Variants in SEPTIN9 observed in about 807,000 individuals in gnomAD.
The protein encoded by SEPTIN9 is septin 9.
In SEPTIN9, 13 loss-of-function variants were observed where a neutral mutation model predicts 56.6. That is an observed-to-expected ratio of 0.23 (90% CI 0.15 to 0.37). SEPTIN9 has a LOEUF of 0.37. Among genes scored for constraint, SEPTIN9 ranks in the 10% least tolerant of loss-of-function variants. SEPTIN9 has a pLI of 1.00. For synonymous variants in SEPTIN9, 332 were observed against 334.1 expected (o/e 0.99, Z 0.07); for missense variants, 650 against 823.1 (o/e 0.79, Z 2.57).
chr17:77,382,583 G>A (rs970447227), intron 2 of SEPTIN9, among the ~76,000 whole-genome samples: 10 of 152,234 alleles, frequency 6.6e-5, no homozygotes, highest in Non-Finnish European at 1.2e-4. Flanking sequence ...GGACCAGGGT[G>A]GTGAAATAAC....
chr17:77,335,672 T>C (rs2033524170), intron 2 of SEPTIN9, among the ~76,000 whole-genome samples: 1 of 129,162 alleles, frequency 7.7e-6, no homozygotes, highest in Non-Finnish European at 1.6e-5. Context: ...GTAGGCCCTA[T>C]GTTGACTGTA....
At chr17:77,300,621 C>T (rs1405533049) in intron 1 of SEPTIN9, among the ~76,000 whole-genome samples, 2 of 152,128 alleles carry the variant, frequency 1.3e-5, no homozygotes, top group Non-Finnish European at 2.9e-5. Context: ...TTGATCCAGC[C>T]CTTCACAGCT....
chr17:77,361,697 A>G (rs2034422613), intron 2 of SEPTIN9, among the ~76,000 whole-genome samples: 1 of 150,558 alleles, frequency 6.6e-6, no homozygotes, highest in African/African-American at 2.5e-5. Flanking sequence ...CAGTGGCGCT[A>G]TCTCGGCTCA....
In SEPTIN9 at chr17:77,435,703, G is replaced by A. The variant is rs1385883047; in HGVS notation, c.721+33000G>A. On this transcript the variant is annotated intron_variant, in intron 3 of 11. Coordinates refer to ENST00000427177, the MANE Select transcript of SEPTIN9 (RefSeq NM_001113491.2). The surrounding 1 kb of genome is among the most constrained non-coding windows in gnomAD (Gnocchi z 4.5). ...GGCGTTTCTGGTAATCCGTAGTGCT[G>A]TTGTCTGTGGCTGCCTTTGGCTGGC... 6.6e-6 allele frequency among the ~76,000 whole-genome samples: 1 copy of A among 152,260 alleles called. No individual in the cohort carries two copies. Among genetic ancestry groups the A allele is most frequent in the Admixed American group, 6.5e-5 (1 of 15,288 alleles).
At chr17:77,350,770 A>T (rs2034034728) in intron 2 of SEPTIN9, among the ~76,000 whole-genome samples, 1 of 152,234 alleles carries the variant, frequency 6.6e-6, no homozygotes, top group African/African-American at 2.4e-5. Context: ...GGGTGGGAAC[A>T]GGAGGTGGGT....
chr17:77,484,830 CGATGGTGGTTGTGATGGTGGT>C (rs1485393145), intron 4 of SEPTIN9, among the ~76,000 whole-genome samples: 3 of 10,288 alleles, frequency 2.9e-4, no homozygotes, highest in African/African-American at 9.5e-4. Flanking sequence ...ATGGTGGTGG[CGATGGTGGTTGTGATGGTGGT>C]GATGTGGGTG....
At chr17:77,392,251 GC>G (rs771741875) in intron 2 of SEPTIN9, among the ~76,000 whole-genome samples, 8 of 152,126 alleles carry the variant, frequency 5.3e-5, no homozygotes, top group Non-Finnish European at 8.8e-5. Context: ...GACTTCTTGG[GC>G]CCAGGGTTGC....
chr17:77,454,372 C>T, intron 3 of SEPTIN9: 2 of 985,538 alleles, frequency 2.0e-6, no homozygotes, highest in Non-Finnish European at 2.4e-6. Context: ...AGGTAGGGAC[C>T]TGTTCCCGGA....
intron 3 of SEPTIN9, among the ~76,000 whole-genome samples, chr17:77,418,395 T>G (rs2036577452): frequency 6.6e-6 from 1 of 151,958 alleles, no homozygotes; most frequent in Non-Finnish European, 1.5e-5. Flanking sequence ...CAGGCTGGAG[T>G]GCAGTGGTGC....
At position 77,436,763 on chromosome 17, in the gene SEPTIN9, C is replaced by T. The variant is rs1043939225; in HGVS notation, c.721+34060C>T. Among the ~76,000 whole-genome samples the T allele has an allele frequency of 1.3e-5, 2 of 152,228 alleles. No homozygotes were observed. Among genetic ancestry groups the T allele is most frequent in the African/African-American group, 4.8e-5 (2 of 41,456 alleles). ...CCCATCCTGGGAGTGACTGAAAGTC[C>T]TTGGGGGTTCCTGCAGGGTGAGCTG... On this transcript the variant is annotated intron_variant, in intron 3 of 11. Coordinates refer to ENST00000427177, the MANE Select transcript of SEPTIN9 (RefSeq NM_001113491.2). The surrounding 1 kb of genome is among the most constrained non-coding windows in gnomAD (Gnocchi z 4.4).
intron 2 of SEPTIN9, chr17:77,373,132 G>C (rs1236503792): frequency 2.1e-6 from 2 of 964,788 alleles, no homozygotes; most frequent in Admixed American, 5.8e-5. Context: ...CGGGGAGGAG[G>C]GGGGCGCTCC....
intron 2 of SEPTIN9, among the ~76,000 whole-genome samples, chr17:77,357,624 T>C (rs1261075639): frequency 1.3e-5 from 2 of 152,112 alleles, no homozygotes; most frequent in Non-Finnish European, 2.9e-5. Flanking sequence ...TCCTTTCCTT[T>C]CCTTTTCTGA....
rs991297909 is a variant in SEPTIN9, at chr17:77,425,741, G to T, written c.721+23038G>T. 6.6e-6 allele frequency among the ~76,000 whole-genome samples: 1 copy of T among 150,966 alleles called. No individual in the cohort carries two copies. The highest frequency in any genetic ancestry group is 1.5e-5 in the Non-Finnish European group (1 of 67,774). On this transcript the variant is annotated intron_variant, in intron 3 of 11. Transcript: ENST00000427177. This position sits in a 1 kb window ranked among gnomAD's most constrained non-coding sequence, Gnocchi z 4.2. ...GGAGGCTAAGAGGAAGCTGCCCCCC[G>T]CTCATCTACCCCCCAACCCTCCCAG...
chr17:77,492,538 G>A lies in SEPTIN9; in HGVS notation c.1381-83G>A. ...GAACCCGAGCCTGGGGCAGCACACA[G>A]TGTGGAGGTCATGTGGCAAACACCA... On this transcript the variant is annotated intron_variant, in intron 8 of 11. Transcript: ENST00000427177. The surrounding 1 kb of genome is among the most constrained non-coding windows in gnomAD (Gnocchi z 5.4). The A allele has an allele frequency of 8.0e-7, 1 of 1,242,870 alleles. No homozygotes were observed. Among genetic ancestry groups the A allele is most frequent in the Non-Finnish European group, 1.2e-6 (1 of 841,786 alleles). The allele number at this position is 1,242,870 out of a possible 1,614,324, so 77.0% of individuals were successfully genotyped here. A position where few individuals can be genotyped will look rare whatever the true frequency, so the allele number is the denominator to read the frequency against.
At chr17:77,339,162 C>T (rs2033649193) in intron 2 of SEPTIN9, among the ~76,000 whole-genome samples, 1 of 152,210 alleles carries the variant, frequency 6.6e-6, no homozygotes, top group Admixed American at 6.5e-5. Flanking sequence ...TTCCAAACTC[C>T]TGTTAATGTT....
chr17:77,475,234 T>C lies in SEPTIN9; in HGVS notation c.722-6910T>C, dbSNP rs2039159535. 4 of 1,323,504 alleles carry C rather than the reference T, an allele frequency of 3.0e-6. No individual in the cohort carries two copies. In the South Asian group the frequency reaches 7.3e-5, roughly 24 times the overall value. 82.0% of individuals were successfully genotyped at this position (1,323,504 alleles called of 1,614,324 possible). The stretch of plus-strand genomic sequence containing the variant: ...TTGTGGTGAGAGGAAACCGCACACA[T>C]CATTATTCAGTTACCATCGTGGGGA... On this transcript the variant is annotated intron_variant, in intron 3 of 11. Coordinates refer to ENST00000427177, the MANE Select transcript of SEPTIN9 (RefSeq NM_001113491.2). The surrounding 1 kb of genome is among the most constrained non-coding windows in gnomAD (Gnocchi z 4.6).
At position 77,436,177 on chromosome 17, in the gene SEPTIN9, G is replaced by A. The variant is rs2037330525; in HGVS notation, c.721+33474G>A. On this transcript the variant is annotated intron_variant, in intron 3 of 11. Transcript: ENST00000427177. This position sits in a 1 kb window ranked among gnomAD's most constrained non-coding sequence, Gnocchi z 4.4. ...GCTGGAAGCCAACGTGCACGAAAGAGTTAATGGTGGATCCCATTTCCTCAG... is the reference window on the plus strand; with the variant it reads ...GCTGGAAGCCAACGTGCACGAAAGAATTAATGGTGGATCCCATTTCCTCAG... 1.3e-5 allele frequency among the ~76,000 whole-genome samples: 2 copies of A among 152,202 alleles called. No individual in the cohort carries two copies. The highest frequency in any genetic ancestry group is 2.9e-5 in the Non-Finnish European group (2 of 68,040).
chr17:77,391,753 C>A (rs2144038456), intron 2 of SEPTIN9, among the ~76,000 whole-genome samples: 1 of 152,302 alleles, frequency 6.6e-6, no homozygotes, highest in East Asian at 1.9e-4. Flanking sequence ...GACTTCTTTT[C>A]CCTTCTGGAG....
Position 77,327,999 on chromosome 17 carries a change from G to C in SEPTIN9, c.76+20802G>C, listed in dbSNP as rs1272026048. On this transcript the variant is annotated intron_variant, in intron 2 of 11. Coordinates refer to ENST00000427177, the MANE Select transcript of SEPTIN9 (RefSeq NM_001113491.2). This position sits in a 1 kb window ranked among gnomAD's most constrained non-coding sequence, Gnocchi z 5.0. The stretch of plus-strand genomic sequence containing the variant: ...TATCCAGGGCATCCCCATGCCCAGG[G>C]TGTCCCCGTGCCTAGTGTGTCCCTG... Among the ~76,000 whole-genome samples the C allele has an allele frequency of 6.6e-6, 1 of 151,772 alleles. No individual in the cohort carries two copies. Among genetic ancestry groups the C allele is most frequent in the Non-Finnish European group, 1.5e-5 (1 of 67,936 alleles).
Sources: gnomAD v4.1 joint callset for allele counts (sites outside exome capture counted in the v4.1 genomes callset) on GRCh38, gnomAD v4.1.1 for gene constraint, Gnocchi (gnomAD v3.1) non-coding constraint, MANE v1.5 for transcripts, NCBI Gene and HGNC (gene_info 2026-07-23, HGNC 2026-07-21) for gene names.